Variants in PPARG observed in about 807,000 individuals in gnomAD.
The protein encoded by PPARG is peroxisome proliferator-activated receptor gamma.
A neutral mutation model predicts 39.2 loss-of-function variants in PPARG; 17 were observed. The observed-to-expected ratio is 0.43, with a 90% CI of 0.30 to 0.65. The LOEUF is 0.65. Ranked by LOEUF, PPARG falls within the 30% of genes least tolerant of loss-of-function variation. The probability of loss-of-function intolerance (pLI) is 0.13; values close to 1 mark genes in which losing one functional copy is unlikely to be tolerated. For missense variants in PPARG, 406 were observed against 585.9 expected, an observed-to-expected ratio of 0.69 and a Z score of 3.17; for synonymous variants, 223 against 215.7, an observed-to-expected ratio of 1.03 and a Z score of -0.30.
At chr3:12,350,810 G>A (rs943562768) in intron 2 of PPARG, among the ~76,000 whole-genome samples, 7 of 152,196 alleles carry the variant, frequency 4.6e-5, no homozygotes, top group Non-Finnish European at 7.3e-5. Flanking sequence ...ATCAGCTGGT[G>A]TAACATTGCT....
intron 5 of PPARG, 104 bp from the exon 6 acceptor site, chr3:12,405,778 G>A (rs371791351): frequency 2.6e-6 from 3 of 1,167,416 alleles, no homozygotes; most frequent in Non-Finnish European, 3.8e-6. Flanking sequence ...AGCAGTGGAG[G>A]AGGAGGGCTT....
chr3:12,301,426 C>T (rs952809793), intron 1 of PPARG: 2 of 152,178 alleles, frequency 1.3e-5, no homozygotes, highest in African/African-American at 4.8e-5. Flanking sequence ...CTCATTTGTT[C>T]ATAATATGTA....
chr3:12,343,877 T>TTC (rs1440862727), intron 2 of PPARG, among the ~76,000 whole-genome samples: 5 of 147,858 alleles, frequency 3.4e-5, no homozygotes, highest in Non-Finnish European at 5.9e-5. Context: ...TTTTTTTTTT[T>TTC]TGAGACAGAA....
intron 2 of PPARG, among the ~76,000 whole-genome samples, chr3:12,348,235 A>G (rs2048381581): frequency 2.0e-5 from 3 of 152,194 alleles, no homozygotes; most frequent in African/African-American, 4.8e-5. Flanking sequence ...TATAGGTTCA[A>G]TACCATGATT....
intron 2 of PPARG, among the ~76,000 whole-genome samples, chr3:12,349,599 T>A (rs2048422505): frequency 6.6e-6 from 1 of 152,242 alleles, no homozygotes; most frequent in African/African-American, 2.4e-5. Context: ...TCCGTCTTGT[T>A]CATCATTGTC....
At chr3:12,390,637 C>CTTTTT (rs35190152) in intron 4 of PPARG, among the ~76,000 whole-genome samples, 1,942 of 92,206 alleles carry the variant, frequency 0.021, 56 homozygotes, top group African/African-American at 0.029. Flanking sequence ...TATTTTCTTC[C>CTTTTT]TTTTTTTTTT....
intron 2 of PPARG, among the ~76,000 whole-genome samples, chr3:12,321,204 A>T (rs570261156): frequency 6.6e-6 from 1 of 152,264 alleles, no homozygotes; most frequent in Non-Finnish European, 1.5e-5. Flanking sequence ...CTTTAAGTTC[A>T]TGGCCTTCTG....
At chr3:12,421,737 C>T (rs1223939655) in intron 7 of PPARG, among the ~76,000 whole-genome samples, 3 of 152,190 alleles carry the variant, frequency 2.0e-5, no homozygotes, top group Non-Finnish European at 4.4e-5. Flanking sequence ...GAGAAGCTGC[C>T]GATATCACTA....
intron 1 of PPARG, among the ~76,000 whole-genome samples, chr3:12,306,985 C>T (rs539895167): frequency 1.3e-5 from 2 of 151,250 alleles, no homozygotes; most frequent in Non-Finnish European, 2.9e-5. Context: ...GTAGTCCCAG[C>T]CATTAGGGAG....
chr3:12,406,310 T>G (rs1387164916), intron 6 of PPARG: 2 of 574,088 alleles, frequency 3.5e-6, no homozygotes, highest in African/African-American at 1.9e-5. Context: ...TTGAGAATAG[T>G]GTAACAATGT....
At chr3:12,385,720 A>G (rs1033991497) in intron 4 of PPARG, among the ~76,000 whole-genome samples, 1 of 152,132 alleles carries the variant, frequency 6.6e-6, no homozygotes, top group African/African-American at 2.4e-5. Flanking sequence ...AGCCACTTGT[A>G]TGTCTATTCA....
At chr3:12,306,546 C>G (rs2047068612) in intron 1 of PPARG, among the ~76,000 whole-genome samples, 1 of 152,184 alleles carries the variant, frequency 6.6e-6, no homozygotes, top group Non-Finnish European at 1.5e-5. Flanking sequence ...AAGTATTTGG[C>G]CTTCCAGGGA....
intron 5 of PPARG, among the ~76,000 whole-genome samples, chr3:12,402,289 G>A (rs1306427873): frequency 1.3e-5 from 2 of 152,116 alleles, no homozygotes; most frequent in African/African-American, 4.8e-5. Flanking sequence ...AGGATAACTG[G>A]TTTTCTCTGA....
chr3:12,327,066 T>G (rs1251884959), intron 2 of PPARG, among the ~76,000 whole-genome samples: 2 of 152,210 alleles, frequency 1.3e-5, no homozygotes, highest in Non-Finnish European at 2.9e-5. Context: ...AATGACTAAT[T>G]TACTGTGATA....
At chr3:12,312,203 A>G (rs1383340668) in intron 1 of PPARG, among the ~76,000 whole-genome samples, 177 bp from the exon 2 acceptor site, 4 of 152,258 alleles carry the variant, frequency 2.6e-5, no homozygotes, top group African/African-American at 7.2e-5. Flanking sequence ...TCTGTTAGTT[A>G]CTTCTAGAGA....
chr3:12,413,124 G>A (rs1362276297), intron 6 of PPARG, among the ~76,000 whole-genome samples: 1 of 152,174 alleles, frequency 6.6e-6, no homozygotes, highest in African/African-American at 2.4e-5. Flanking sequence ...CAAATGTCAT[G>A]TTAAATTAAT....
chr3:12,390,323 A>G (rs372862890), intron 4 of PPARG, among the ~76,000 whole-genome samples: 1 of 152,182 alleles, frequency 6.6e-6, no homozygotes, highest in African/African-American at 2.4e-5. Flanking sequence ...CCACTTAAAC[A>G]TATTTACAGG....
intron 1 of PPARG, among the ~76,000 whole-genome samples, chr3:12,304,055 T>G (rs917652600): frequency 2.0e-5 from 3 of 152,256 alleles, no homozygotes; most frequent in Non-Finnish European, 4.4e-5. Context: ...GCAAGTACTA[T>G]TCTCTAATGC....
At chr3:12,298,242 T>A (rs1440301177) in intron 1 of PPARG, among the ~76,000 whole-genome samples, 1 of 120,644 alleles carries the variant, frequency 8.3e-6, no homozygotes, top group African/African-American at 3.3e-5. Flanking sequence ...GAGCTTGCAG[T>A]GAGCCGAGAT....
Sources: gnomAD v4.1 joint callset for allele counts (sites outside exome capture counted in the v4.1 genomes callset) on GRCh38, gnomAD v4.1.1 for gene constraint, MANE v1.5 for transcripts, NCBI Gene and HGNC (gene_info 2026-07-23, HGNC 2026-07-21) for gene names.